Variants in BEAN1 observed in about 807,000 individuals in gnomAD.
BEAN1 encodes protein BEAN1.
A neutral mutation model predicts 17.7 loss-of-function variants in BEAN1; 17 were observed. The ratio of observed to expected loss-of-function variants is 0.96; its 90% CI spans 0.66 to 1.44. The LOEUF is 1.44. Ranked by LOEUF, BEAN1 falls within the 40% of genes most tolerant of loss-of-function variation. The probability of loss-of-function intolerance (pLI) is 0.00; values close to 1 mark genes in which losing one functional copy is unlikely to be tolerated. For missense variants in BEAN1, 359 were observed against 374.1 expected, an observed-to-expected ratio of 0.96 and a Z score of 0.33; for synonymous variants, 142 against 151.8, an observed-to-expected ratio of 0.94 and a Z score of 0.47.
downstream of BEAN1, chr16:66,484,969 G>A (rs551678056): frequency 4.2e-5 from 19 of 454,114 alleles, no homozygotes; most frequent in African/African-American, 8.0e-5. The surrounding 1 kb of genome is among the most constrained non-coding windows in gnomAD (Gnocchi z 4.2). Flanking sequence ...TGGCGATGAC[G>A]CCATCGTGAT....
At chr16:66,487,635 AGACCCTGTG>A (rs1344757621), downstream of BEAN1, among the ~76,000 whole-genome samples, 3 of 152,138 alleles carry the variant, frequency 2.0e-5, no homozygotes, top group African/African-American at 7.2e-5. Flanking sequence ...AGCCCGCCAG[AGACCCTGTG>A]GCCTCTGAGC....
In BEAN1 at chr16:66,473,195, G is replaced by A. The variant is rs541526006; in HGVS notation, c.289+3330G>A. Among the ~76,000 whole-genome samples the A allele has an allele frequency of 1.6e-4, 24 of 152,258 alleles. No homozygotes were observed. In the East Asian group the frequency reaches 4.1e-3, roughly 26 times the overall value. On this transcript the variant is annotated intron_variant, in intron 3 of 4. Coordinates refer to ENST00000536005, the MANE Select transcript of BEAN1 (RefSeq NM_001178020.3). The surrounding 1 kb of genome is among the most constrained non-coding windows in gnomAD (Gnocchi z 4.5). ...GGCTTAGGGGCAGGCCAGCCCCTCT[G>A]TAGCCTGTGGTGGCCTCGGGACTGG... is the stretch of plus-strand genomic sequence containing the variant.
At chr16:66,448,097 C>T (rs565424387) in intron 2 of BEAN1, among the ~76,000 whole-genome samples, 1 of 152,328 alleles carries the variant, frequency 6.6e-6, no homozygotes, top group Admixed American at 6.5e-5. Flanking sequence ...GCAAAACTTT[C>T]CCCTCCTGCC....
chr16:66,460,522 T>G (rs1379914268), intron 2 of BEAN1, among the ~76,000 whole-genome samples: 1 of 152,190 alleles, frequency 6.6e-6, no homozygotes, highest in East Asian at 1.9e-4. Flanking sequence ...GATGATTTGC[T>G]TCTCCCCAGG....
chr16:66,439,577 C>G (rs545325472), intron 2 of BEAN1, among the ~76,000 whole-genome samples: 2 of 151,780 alleles, frequency 1.3e-5, no homozygotes, highest in East Asian at 3.9e-4. Flanking sequence ...TGCAGGGCAG[C>G]CCTCTGCATA....
At chr16:66,438,947 C>T (rs962449531) in intron 2 of BEAN1, among the ~76,000 whole-genome samples, 1 of 152,202 alleles carries the variant, frequency 6.6e-6, no homozygotes, top group Non-Finnish European at 1.5e-5. Context: ...CTCTCCCCTG[C>T]TCACTGTGGG....
chr16:66,465,416 G>A (rs1483949937), intron 2 of BEAN1, among the ~76,000 whole-genome samples: 2 of 152,134 alleles, frequency 1.3e-5, no homozygotes, highest in Non-Finnish European at 2.9e-5. Flanking sequence ...AGAATGAGTT[G>A]ATAAGTGTTC....
intron 3 of BEAN1, chr16:66,475,929 T>G (rs1963720455): frequency 6.6e-6 from 1 of 151,842 alleles, no homozygotes; most frequent in South Asian, 2.1e-4. Flanking sequence ...GCTAACACGG[T>G]GAAACCCGGT....
intron 2 of BEAN1, among the ~76,000 whole-genome samples, chr16:66,449,124 A>G (rs1254628591): frequency 6.6e-6 from 1 of 152,154 alleles, no homozygotes; most frequent in Non-Finnish European, 1.5e-5. Context: ...GTCACCGTAA[A>G]TTAGTTTTGC....
At chr16:66,438,884 G>T (rs1342794776) in intron 2 of BEAN1, among the ~76,000 whole-genome samples, 6 of 152,122 alleles carry the variant, frequency 3.9e-5, no homozygotes, top group African/African-American at 7.2e-5. Flanking sequence ...GATAAGTCAG[G>T]ACTGTGAGTC....
chr16:66,449,781 C>A (rs1272016152), intron 2 of BEAN1, among the ~76,000 whole-genome samples: 1 of 152,136 alleles, frequency 6.6e-6, no homozygotes, highest in Non-Finnish European at 1.5e-5. Flanking sequence ...ATGTCACCAA[C>A]ACACTCTAAA....
At chr16:66,455,198 C>T (rs1962819724) in intron 2 of BEAN1, among the ~76,000 whole-genome samples, 1 of 152,204 alleles carries the variant, frequency 6.6e-6, no homozygotes. Flanking sequence ...GTCAGTGTCA[C>T]TAAGCCAGGC....
At chr16:66,489,394 T>G (rs960464151) in intron 4 of BEAN1, among the ~76,000 whole-genome samples, 3 of 152,202 alleles carry the variant, frequency 2.0e-5, no homozygotes, top group Non-Finnish European at 4.4e-5. Context: ...GACCCCAGGC[T>G]GTGATCATGC....
At chr16:66,468,342 C>T (rs962165144) in intron 2 of BEAN1, among the ~76,000 whole-genome samples, 1 of 152,194 alleles carries the variant, frequency 6.6e-6, no homozygotes, top group Non-Finnish European at 1.5e-5. Flanking sequence ...GGGGCTTGAA[C>T]ATGGGCTCTG....
At position 66,445,418 on chromosome 16, in the gene BEAN1, A is replaced by G. The variant is rs960893148; in HGVS notation, c.25+7717A>G. On this transcript the variant is annotated intron_variant, in intron 2 of 4. Coordinates refer to ENST00000536005, the MANE Select transcript of BEAN1 (RefSeq NM_001178020.3). ...GTGAACCTGGGAGGTGGAGCTTGCA[A>G]TGAGCCGAGATCACACCACTGCACT... is the stretch of plus-strand genomic sequence containing the variant. Among the ~76,000 whole-genome samples the G allele has an allele frequency of 2.9e-5, 4 of 136,238 alleles. No individual in the cohort carries two copies. In the East Asian group the frequency reaches 9.3e-4, roughly 32 times the overall value. The allele number at this position is 136,238 out of a possible 152,430, so 89.4% of individuals were successfully genotyped here.
chr16:66,487,366 TC>T (rs1296554488), downstream of BEAN1, among the ~76,000 whole-genome samples: 1 of 152,012 alleles, frequency 6.6e-6, no homozygotes, highest in Non-Finnish European at 1.5e-5. Context: ...GAGTTATGCC[TC>T]CCAGACTAGG....
chr16:66,492,019 AG>A (rs1964181695), intron 4 of BEAN1, among the ~76,000 whole-genome samples: 1 of 151,910 alleles, frequency 6.6e-6, no homozygotes, highest in Non-Finnish European at 1.5e-5. Context: ...GCTACCAGAG[AG>A]GTTTTGTTTT....
downstream of BEAN1, chr16:66,484,099 T>C (rs1302645553): frequency 5.6e-6 from 1 of 179,052 alleles, no homozygotes; most frequent in Non-Finnish European, 1.2e-5. The surrounding 1 kb of genome is among the most constrained non-coding windows in gnomAD (Gnocchi z 4.2). Context: ...AGTATTCCAT[T>C]TTTGGGGCTC....
chr16:66,453,731 A>ATTT (rs150187705), intron 2 of BEAN1, among the ~76,000 whole-genome samples: 2 of 147,048 alleles, frequency 1.4e-5, no homozygotes, highest in East Asian at 2.0e-4. Context: ...ATGTAGTTTA[A>ATTT]TTTTTTTTTT....
Sources: gnomAD v4.1 joint callset for allele counts (sites outside exome capture counted in the v4.1 genomes callset) on GRCh38, gnomAD v4.1.1 for gene constraint, Gnocchi (gnomAD v3.1) non-coding constraint, MANE v1.5 for transcripts, NCBI Gene and HGNC (gene_info 2026-07-23, HGNC 2026-07-21) for gene names.